The following NAALADL2 variants were observed in gnomAD, a reference collection of about 807,000 sequenced individuals.
NAALADL2 encodes N-acetylated alpha-linked acidic dipeptidase like 2, also known as inactive N-acetylated-alpha-linked acidic dipeptidase-like protein 2.
A neutral mutation model predicts 87.2 loss-of-function variants in NAALADL2; 76 were observed. The observed-to-expected ratio is 0.87, with a 90% CI of 0.72 to 1.05. The LOEUF (loss-of-function observed/expected upper bound fraction) is 1.05. Ranked by LOEUF, NAALADL2 falls within the 50% of genes least tolerant of loss-of-function variation. NAALADL2 has a pLI of 0.00. For missense variants in NAALADL2, 1,089 were observed against 945.8 expected (o/e 1.15, Z -1.99); for synonymous variants, 354 against 331.0 (o/e 1.07, Z -0.75).
intron 2 of NAALADL2, among the ~76,000 whole-genome samples, chr3:174,630,870 T>C (rs1479671007): frequency 1.3e-5 from 2 of 152,130 alleles, no homozygotes; most frequent in African/African-American, 4.8e-5. Flanking sequence ...TAGAACCTCT[T>C]TGGGGCCAGT....
At chr3:174,885,517 C>T (rs1287491110) in intron 1 of NAALADL2, among the ~76,000 whole-genome samples, 1 of 152,058 alleles carries the variant, frequency 6.6e-6, no homozygotes, top group African/African-American at 2.4e-5. Flanking sequence ...AATGATGAAT[C>T]AAGAGTGTCA....
intron 5 of NAALADL2, among the ~76,000 whole-genome samples, chr3:175,367,892 G>C (rs1195975362): frequency 6.6e-6 from 1 of 152,106 alleles, no homozygotes; most frequent in Admixed American, 6.6e-5. Context: ...CCAACACTAT[G>C]TTGAATAGGA....
intron 12 of NAALADL2, among the ~76,000 whole-genome samples, chr3:175,741,868 G>T (rs960911723): frequency 6.6e-6 from 1 of 152,084 alleles, no homozygotes; most frequent in Admixed American, 6.5e-5. Flanking sequence ...AGTTTATTTT[G>T]CCAACGTTAA....
chr3:174,584,980 T>C (rs1398433002), intron 2 of NAALADL2, among the ~76,000 whole-genome samples: 1 of 152,168 alleles, frequency 6.6e-6, no homozygotes, highest in African/African-American at 2.4e-5. Flanking sequence ...CATGATAATG[T>C]ATATTTAGTA....
intron 1 of NAALADL2, among the ~76,000 whole-genome samples, chr3:174,974,268 C>A (rs897416632): frequency 4.6e-5 from 7 of 152,174 alleles, no homozygotes; most frequent in South Asian, 4.1e-4. Context: ...AGGATAAACA[C>A]CCTTTAGTGG....
chr3:175,007,821 A>G (rs956139880), intron 1 of NAALADL2, among the ~76,000 whole-genome samples: 1 of 152,208 alleles, frequency 6.6e-6, no homozygotes, highest in Non-Finnish European at 1.5e-5. Flanking sequence ...GTACTATAAT[A>G]AAATAGAATA....
At chr3:175,457,607 A>C (rs955803317) in intron 6 of NAALADL2, among the ~76,000 whole-genome samples, 2 of 151,342 alleles carry the variant, frequency 1.3e-5, no homozygotes, top group Non-Finnish European at 2.9e-5. Flanking sequence ...GCAGCCTTGA[A>C]CTCTTTGGCT....
At chr3:175,416,452 T>A (rs2149107025) in intron 5 of NAALADL2, among the ~76,000 whole-genome samples, 1 of 152,292 alleles carries the variant, frequency 6.6e-6, no homozygotes, top group Non-Finnish European at 1.5e-5. Context: ...TTACTGGAAT[T>A]AAAATTTATG....
chr3:174,740,882 A>C (rs1414190466), intron 3 of NAALADL2, among the ~76,000 whole-genome samples: 1 of 151,774 alleles, frequency 6.6e-6, no homozygotes, highest in East Asian at 1.9e-4. Context: ...GGGTAGATTA[A>C]ATTATAGGAA....
At chr3:175,574,134 C>T (rs1401171348) in intron 9 of NAALADL2, among the ~76,000 whole-genome samples, 1 of 152,118 alleles carries the variant, frequency 6.6e-6, no homozygotes, top group African/African-American at 2.4e-5. Context: ...GTTGGAATAA[C>T]TTATTTTCTT....
intron 10 of NAALADL2, among the ~76,000 whole-genome samples, chr3:175,621,443 C>A (rs1355757308): frequency 6.6e-6 from 1 of 152,146 alleles, no homozygotes; most frequent in Non-Finnish European, 1.5e-5. Context: ...ACATATACCT[C>A]CATCTAGGTA....
Position 174,883,211 on chromosome 3 carries a change from C to T in NAALADL2, c.43+23761C>T, listed in dbSNP as rs537834319. On this transcript the variant is annotated intron_variant, in intron 1 of 13. Coordinates refer to ENST00000454872, the MANE Select transcript of NAALADL2 (RefSeq NM_207015.3). ...TTAAGGGGGGGTCTGCCTTTCCCAGCCTACTGACTCAAATGTTAATCTCCT... is the reference window on the plus strand; with the variant it reads ...TTAAGGGGGGGTCTGCCTTTCCCAGTCTACTGACTCAAATGTTAATCTCCT... Among the ~76,000 whole-genome samples, 5 of 152,108 alleles carry T rather than the reference C, an allele frequency of 3.3e-5. No homozygotes were observed. In the South Asian group the frequency reaches 1.0e-3, roughly 32 times the overall value.
At chr3:175,780,111 AC>A (rs1750825080) in intron 13 of NAALADL2, among the ~76,000 whole-genome samples, 2 of 148,224 alleles carry the variant, frequency 1.3e-5, no homozygotes, top group Non-Finnish European at 3.0e-5. Context: ...TACTAAAAAT[AC>A]AAAAAAAAAA....
intron 9 of NAALADL2, among the ~76,000 whole-genome samples, chr3:175,502,228 GGTGTGTGTGT>G (rs3040528): frequency 6.8e-6 from 1 of 147,292 alleles, no homozygotes; most frequent in African/African-American, 2.5e-5. Flanking sequence ...CATTATCCTG[GGTGTGTGTGT>G]GTGTGTGTGT....
intron 4 of NAALADL2, among the ~76,000 whole-genome samples, chr3:175,293,365 C>T (rs1755900816): frequency 6.6e-6 from 1 of 152,066 alleles, no homozygotes; most frequent in Non-Finnish European, 1.5e-5. Context: ...AATTTATTTT[C>T]ATGTTTAAAT....
intron 4 of NAALADL2, among the ~76,000 whole-genome samples, chr3:175,319,016 ATCATTCAATT>A (rs1192315430): frequency 1.3e-5 from 2 of 152,236 alleles, no homozygotes; most frequent in African/African-American, 2.4e-5. Context: ...AACATTCAAA[ATCATTCAATT>A]GATTATTCTT....
intron 1 of NAALADL2, among the ~76,000 whole-genome samples, chr3:175,088,173 T>C (rs1719417579): frequency 6.6e-6 from 1 of 152,210 alleles, no homozygotes; most frequent in Admixed American, 6.5e-5. Flanking sequence ...AAATTACCAA[T>C]TTTAATTTTC....
At chr3:174,523,169 A>G (rs1377391542) in intron 1 of NAALADL2, among the ~76,000 whole-genome samples, 2 of 152,096 alleles carry the variant, frequency 1.3e-5, no homozygotes, top group African/African-American at 4.8e-5. Context: ...ATGTTATAGC[A>G]GCTTGAGTGA....
At chr3:174,857,685 A>T (rs1407430210), upstream of NAALADL2, among the ~76,000 whole-genome samples, 1 of 152,092 alleles carries the variant, frequency 6.6e-6, no homozygotes. Flanking sequence ...ATATATATAT[A>T]TTACAGTATG....
Sources: allele counts gnomAD v4.1 joint callset (sites outside exome capture counted in the v4.1 genomes callset), GRCh38; gene constraint gnomAD v4.1.1; transcripts MANE v1.5; gene names NCBI Gene and HGNC (gene_info 2026-07-23, HGNC 2026-07-21).